RNF130: variants seen among roughly 807,000 people sequenced by gnomAD.
RNF130 encodes ring finger protein 130, also known as E3 ubiquitin-protein ligase RNF130.
Under a neutral mutation model 44.6 loss-of-function variants are expected in RNF130, and 21 were observed. The ratio of observed to expected loss-of-function variants is 0.47; its 90% CI spans 0.33 to 0.68. The LOEUF (loss-of-function observed/expected upper bound fraction) is 0.68, where lower values mean the gene tolerates loss of function less well. RNF130 is among the 30% of genes least tolerant of loss of function. The probability of loss-of-function intolerance (pLI) is 0.02; values close to 1 mark genes in which losing one functional copy is unlikely to be tolerated. For synonymous variants in RNF130, 214 were observed against 210.4 expected (o/e 1.02, Z -0.15); for missense variants, 479 against 560.6 (o/e 0.85, Z 1.47).
intron 3 of RNF130, among the ~76,000 whole-genome samples, chr5:180,004,254 C>T (rs567450004): frequency 1.3e-5 from 2 of 152,292 alleles, no homozygotes; most frequent in African/African-American, 2.4e-5. Flanking sequence ...AGCATTTTCC[C>T]GTAATACGCT....
intron 3 of RNF130, among the ~76,000 whole-genome samples, chr5:180,007,622 A>T (rs1273035212): frequency 2.6e-5 from 4 of 152,208 alleles, no homozygotes; most frequent in Non-Finnish European, 4.4e-5. Context: ...CGGAAGGAGG[A>T]AAAAAGGTCA....
rs115025115 is a variant in RNF130 at position 179,925,262 on chromosome 5, A to G, written c.1151-4836T>C. ...CTCCAGGGAGCGGAGAGGGGCTGAA[A>G]GTTAAGTTGATCGCCCATGGCCAAC... On this transcript the variant is annotated intron_variant, in intron 7 of 7. Coordinates refer to the RNF130 transcript ENST00000522208. 3.6e-3 allele frequency among the ~76,000 whole-genome samples: 526 copies of G among 146,446 alleles called. 3 individuals are homozygous for G. Among genetic ancestry groups the G allele is most frequent in the African/African-American group, 0.013 (513 of 40,304 alleles).
intron 1 of RNF130, among the ~76,000 whole-genome samples, chr5:180,043,850 T>C (rs1216466453): frequency 1.3e-5 from 2 of 152,186 alleles, no homozygotes; most frequent in Non-Finnish European, 2.9e-5. Context: ...GGTAGTACAA[T>C]ACAAAATAAG....
At chr5:179,956,444 A>G (rs1582139171) in intron 8 of RNF130, 1 of 152,360 alleles carries the variant, frequency 6.6e-6, no homozygotes, top group Admixed American at 6.6e-5. Flanking sequence ...TACCTAATCT[A>G]TCTTCCTGCC....
In RNF130 at chr5:179,955,553, TA is replaced by T. The variant is rs1432484526; in HGVS notation, c.*100del. On this transcript the variant is annotated 3_prime_UTR_variant, in exon 9 of 9. Coordinates refer to ENST00000521389, the MANE Select transcript of RNF130 (RefSeq NM_018434.6). Reference sequence around the variant, plus strand: ...AATTTTATGAAAAAATAAAATGTACTAAAAATAAATGCTTGTGTGGCATGAT... The same window carrying T: ...AATTTTATGAAAAAATAAAATGTACTAAAATAAATGCTTGTGTGGCATGAT... 56 of 979,412 alleles carry T rather than the reference TA, an allele frequency of 5.7e-5. No individual in the cohort carries two copies. The East Asian group carries it at 1.1e-3, about 20-fold the overall frequency. 60.7% of individuals were successfully genotyped at this position (979,412 alleles called of 1,614,324 possible).
intron 3 of RNF130, among the ~76,000 whole-genome samples, chr5:180,012,754 G>A (rs1371137093): frequency 6.6e-6 from 1 of 152,130 alleles, no homozygotes; most frequent in African/African-American, 2.4e-5. Context: ...AACATCCAAA[G>A]TTACTGGTTT....
At chr5:180,041,832 T>G (rs1764426448) in intron 1 of RNF130, among the ~76,000 whole-genome samples, 1 of 152,162 alleles carries the variant, frequency 6.6e-6, no homozygotes, top group African/African-American at 2.4e-5. Context: ...ATCCCAGCAC[T>G]TTGGGAAGCC....
chr5:179,928,207 C>G (rs537846142), intron 7 of RNF130, among the ~76,000 whole-genome samples: 1 of 152,218 alleles, frequency 6.6e-6, no homozygotes, highest in South Asian at 2.1e-4. Flanking sequence ...TCGGATGATG[C>G]CTGGGAGTGG....
chr5:179,948,619 C>T (rs1374829218), intron 7 of RNF130, among the ~76,000 whole-genome samples: 3 of 151,856 alleles, frequency 2.0e-5, no homozygotes, highest in Non-Finnish European at 2.9e-5. Context: ...CGCAGTGAGC[C>T]GAGATCACGC....
At chr5:180,003,109 A>C (rs1763383181) in intron 3 of RNF130, among the ~76,000 whole-genome samples, 1 of 152,160 alleles carries the variant, frequency 6.6e-6, no homozygotes, top group Non-Finnish European at 1.5e-5. Flanking sequence ...TTCAGAGACA[A>C]GAAGGGCCTG....
chr5:180,036,069 CAT>C (rs1764243274), intron 2 of RNF130, among the ~76,000 whole-genome samples: 1 of 152,140 alleles, frequency 6.6e-6, no homozygotes, highest in African/African-American at 2.4e-5. Context: ...ATGAGTCAAA[CAT>C]CTCTATATTT....
intron 1 of RNF130, among the ~76,000 whole-genome samples, chr5:180,042,269 G>A (rs896927625): frequency 2.6e-5 from 4 of 152,112 alleles, no homozygotes; most frequent in Non-Finnish European, 4.4e-5. Flanking sequence ...CAACTATTGT[G>A]GTGAGAGACT....
intron 7 of RNF130, among the ~76,000 whole-genome samples, chr5:179,936,431 GT>G (rs1761892119): frequency 2.6e-5 from 4 of 152,128 alleles, no homozygotes; most frequent in Admixed American, 2.6e-4. Context: ...TTCTCATCAT[GT>G]TGCCCAGGCT....
intron 7 of RNF130, among the ~76,000 whole-genome samples, chr5:179,946,832 A>G (rs550965051): frequency 4.2e-3 from 635 of 152,152 alleles, no homozygotes; most frequent in Non-Finnish European, 6.6e-3. Flanking sequence ...GGGATTACAG[A>G]CGTCAGCCAC....
intron 1 of RNF130, among the ~76,000 whole-genome samples, chr5:180,061,102 C>G (rs1381031007): frequency 7.2e-6 from 1 of 138,624 alleles, no homozygotes; most frequent in Non-Finnish European, 1.5e-5. Flanking sequence ...AAGCTATGTT[C>G]ATGCATTCAC....
chr5:179,944,660 G>C (rs899305867), intron 7 of RNF130, among the ~76,000 whole-genome samples: 3 of 151,820 alleles, frequency 2.0e-5, no homozygotes, highest in Non-Finnish European at 2.9e-5. Flanking sequence ...TCCTCAGGGG[G>C]CTGAGGTGGG....
At chr5:179,960,603 C>A (rs1198557245) in intron 8 of RNF130, among the ~76,000 whole-genome samples, 1 of 152,180 alleles carries the variant, frequency 6.6e-6, no homozygotes, top group African/African-American at 2.4e-5. Context: ...TGACATCTTG[C>A]CCACAGGGTT....
At chr5:180,046,804 G>GGTTA (rs1255691127) in intron 1 of RNF130, among the ~76,000 whole-genome samples, 1 of 152,178 alleles carries the variant, frequency 6.6e-6, no homozygotes, top group Non-Finnish European at 1.5e-5. Flanking sequence ...GGCACCCTTA[G>GGTTA]GTTACATCCA....
chr5:179,945,387 G>C (rs1170820329), intron 7 of RNF130, among the ~76,000 whole-genome samples: 1 of 152,130 alleles, frequency 6.6e-6, no homozygotes, highest in East Asian at 1.9e-4. Context: ...CCTGAGCAAG[G>C]CGTTCCTATC....
Sources: gnomAD v4.1 joint callset for allele counts (sites outside exome capture counted in the v4.1 genomes callset) on GRCh38, gnomAD v4.1.1 for gene constraint, MANE v1.5 for transcripts, NCBI Gene and HGNC (gene_info 2026-07-23, HGNC 2026-07-21) for gene names.